CCDC57: variants seen among roughly 807,000 people sequenced by gnomAD.
The protein encoded by CCDC57 is coiled-coil domain containing 57.
A neutral mutation model predicts 118.9 loss-of-function variants in CCDC57; 118 were observed. The observed-to-expected ratio is 0.99, with a 90% confidence interval of 0.86 to 1.16. CCDC57 has a LOEUF of 1.16. Ranked by LOEUF, CCDC57 falls within the 50% of genes most tolerant of loss-of-function variation. The pLI is 0.00. For missense variants in CCDC57, 1,300 were observed against 1,320.7 expected (o/e 0.98, Z 0.24); for synonymous variants, 527 against 532.9 (o/e 0.99, Z 0.15).
chr17:82,184,031 G>GCTCA, intron 8 of CCDC57, 99 bp from the exon 8 acceptor site: 1 of 128,352 alleles, frequency 7.8e-6, no homozygotes. Context: ...GCGCGCGCGC[G>GCTCA]CACACACACA....
At chr17:82,184,025 G>GCACACACACACACACACA (rs1432239867) in intron 8 of CCDC57, 93 bp from the exon 8 acceptor site, 3 of 386,184 alleles carry the variant, frequency 7.8e-6, no homozygotes, top group Non-Finnish European at 1.4e-5. Flanking sequence ...ATGCGCGCGC[G>GCACACACACACACACACA]CGCGCGCACA....
intron 19 of CCDC57, among the ~76,000 whole-genome samples, chr17:82,109,847 ACT>A (rs1482449133): frequency 6.6e-6 from 1 of 151,678 alleles, no homozygotes. Flanking sequence ...ACAGAGTGAG[ACT>A]CTGTCTCAAA....
chr17:82,126,107 C>A (rs914201945), intron 19 of CCDC57, among the ~76,000 whole-genome samples: 1 of 151,882 alleles, frequency 6.6e-6, no homozygotes, highest in Non-Finnish European at 1.5e-5. Flanking sequence ...ATTGTGAAAC[C>A]CCGTCTCTAC....
chr17:82,152,698 G>GCACCTGGCCCTGGCCA (rs1404582466), intron 15 of CCDC57, among the ~76,000 whole-genome samples: 1 of 152,246 alleles, frequency 6.6e-6, no homozygotes, highest in African/African-American at 2.4e-5. Context: ...GAGCCAGGCT[G>GCACCTGGCCCTGGCCA]CACCTGGCCC....
rs571719869 is a variant in CCDC57, at chr17:82,118,622, C to T, written c.2899+9070G>A. The stretch of plus-strand genomic sequence containing the variant: ...TGGAGGCAGGCCTGCTGCAGGGGGT[C>T]GGCTTCAGAAGCAGGTATTTCTTTG... On this transcript the variant is annotated intron_variant, in intron 19 of 19. Transcript: ENST00000665763. The surrounding 1 kb of genome is among the most constrained non-coding windows in gnomAD (Gnocchi z 4.7). 5.9e-5 allele frequency among the ~76,000 whole-genome samples: 9 copies of T among 152,108 alleles called. No individual in the cohort carries two copies. In the East Asian group the frequency reaches 1.2e-3, roughly 20 times the overall value.
chr17:82,117,603 C>T (rs1489637184), intron 19 of CCDC57, among the ~76,000 whole-genome samples: 1 of 151,998 alleles, frequency 6.6e-6, no homozygotes, highest in Non-Finnish European at 1.5e-5. Flanking sequence ...TTTAGTGAGC[C>T]ATGGCTGCGG....
At chr17:82,173,752 A>T (rs916429939) in intron 11 of CCDC57, among the ~76,000 whole-genome samples, 2 of 152,188 alleles carry the variant, frequency 1.3e-5, no homozygotes, top group Admixed American at 1.3e-4. Flanking sequence ...CCCTAGGGTC[A>T]AAGGGCAGGC....
At position 82,113,843 on chromosome 17, in the gene CCDC57, G is replaced by A; in HGVS notation, c.2900-11977C>T. 8.4e-6 allele frequency: 5 copies of A among 592,954 alleles called. No homozygotes were observed. The South Asian group carries it at 9.9e-5, about 12-fold the overall frequency. The allele number at this position is 592,954 out of a possible 1,614,324, so 36.7% of individuals were successfully genotyped here. On this transcript the variant is annotated intron_variant, in intron 19 of 19. Coordinates refer to ENST00000665763, the Ensembl canonical transcript of CCDC57. Reference sequence around the variant, plus strand: ...CACCTGTAGTCTCAGCTACTCAGGAGACAAAGGCAGGAGGATCACTTGAGC... The same window carrying A: ...CACCTGTAGTCTCAGCTACTCAGGAAACAAAGGCAGGAGGATCACTTGAGC...
rs2047778134 is a variant in CCDC57 at position 82,192,392 on chromosome 17, AGTT to A, written c.851+1361_851+1363del. On this transcript the variant is annotated intron_variant, in intron 7 of 19. Coordinates refer to ENST00000665763, the Ensembl canonical transcript of CCDC57. The surrounding 1 kb of genome is among the most constrained non-coding windows in gnomAD (Gnocchi z 4.0). ...TTCTGGTCAACAGTAGGTTCTAAGT[AGTT>A]AAGTTTTTGGGGAGTGAAAAGTTAT... 6.6e-6 allele frequency among the ~76,000 whole-genome samples: 1 copy of A among 152,232 alleles called. No homozygotes were observed. Among genetic ancestry groups the A allele is most frequent in the East Asian group, 1.9e-4 (1 of 5,204 alleles).
intron 16 of CCDC57, among the ~76,000 whole-genome samples, chr17:82,148,670 G>A (rs2041328080): frequency 9.8e-6 from 1 of 102,424 alleles, no homozygotes; most frequent in Non-Finnish European, 2.0e-5. Context: ...ATGAGTGGGT[G>A]GATGGGTAGA....
intron 15 of CCDC57, chr17:82,153,911 G>T (rs1224286504): frequency 1.3e-5 from 2 of 152,366 alleles, no homozygotes; most frequent in Non-Finnish European, 2.9e-5. Flanking sequence ...GTATGAGTGA[G>T]TGACACAGGG....
intron 17 of CCDC57, among the ~76,000 whole-genome samples, chr17:82,130,706 T>G (rs189228158): frequency 3.0e-4 from 45 of 150,716 alleles, no homozygotes; most frequent in Admixed American, 5.3e-4. Flanking sequence ...TTTCATCATG[T>G]TGGCCAGGCT....
At chr17:82,195,491 T>C in intron 4 of CCDC57, 127 bp from the exon 4 acceptor site, 1 of 726,880 alleles carries the variant, frequency 1.4e-6, no homozygotes, top group African/African-American at 1.7e-5. Flanking sequence ...CCACACACAC[T>C]GTCCAGGAGA....
chr17:82,124,219 G>A (rs139278256), intron 19 of CCDC57, among the ~76,000 whole-genome samples: 402 of 152,262 alleles, frequency 2.6e-3, no homozygotes, highest in Middle Eastern at 0.014. Flanking sequence ...TGTTTCAGGA[G>A]TAGGAACATG....
intron 19 of CCDC57, among the ~76,000 whole-genome samples, chr17:82,108,177 C>T (rs562048490): frequency 6.6e-6 from 1 of 152,366 alleles, no homozygotes; most frequent in South Asian, 2.1e-4. Context: ...CTGGAGCACT[C>T]GGAGAGCAAG....
intron 7 of CCDC57, 83 bp from the exon 7 acceptor site, chr17:82,188,502 C>T: frequency 7.3e-7 from 1 of 1,364,730 alleles, no homozygotes; most frequent in African/African-American, 1.4e-5. Flanking sequence ...GTTCATTGCC[C>T]TGTCTCGTGC....
intron 9 of CCDC57, among the ~76,000 whole-genome samples, chr17:82,180,178 C>T (rs1265617044): frequency 2.0e-5 from 3 of 152,220 alleles, no homozygotes; most frequent in East Asian, 1.9e-4. Flanking sequence ...CTGAGGACGC[C>T]GCTAGGGTGC....
At chr17:82,115,508 C>T (rs1035446474) in intron 19 of CCDC57, among the ~76,000 whole-genome samples, 2 of 152,118 alleles carry the variant, frequency 1.3e-5, no homozygotes, top group South Asian at 2.1e-4. Flanking sequence ...TGGTGGCTTA[C>T]GCCTGTAATC....
At position 82,191,416 on chromosome 17, in the gene CCDC57, G is replaced by A. The variant is rs1271381262; in HGVS notation, c.851+2340C>T. ...TGGGCACTGAGACTCAAGTGTTAAA[G>A]CGGGATTGGCACCATATAGAAACAT... On this transcript the variant is annotated intron_variant, in intron 7 of 19. Transcript: ENST00000665763. 6.6e-5 allele frequency among the ~76,000 whole-genome samples: 10 copies of A among 152,320 alleles called. No homozygotes were observed. The East Asian group carries it at 1.9e-3, about 29-fold the overall frequency.
Sources: allele counts gnomAD v4.1 joint callset (sites outside exome capture counted in the v4.1 genomes callset), GRCh38; gene constraint gnomAD v4.1.1; non-coding constraint Gnocchi (gnomAD v3.1); transcripts MANE v1.5; gene names NCBI Gene and HGNC (gene_info 2026-07-23, HGNC 2026-07-21).